The following PCDH15 variants were observed in gnomAD, a reference collection of about 807,000 sequenced individuals.
PCDH15 encodes the protein protocadherin-15.
Under a neutral mutation model 178.5 loss-of-function variants are expected in PCDH15, and 129 were observed. That is an observed-to-expected ratio of 0.72 (90% CI 0.63 to 0.84). The LOEUF (loss-of-function observed/expected upper bound fraction) is 0.84, where lower values mean the gene tolerates loss of function less well. Ranked by LOEUF, PCDH15 falls within the 40% of genes least tolerant of loss-of-function variation. PCDH15 has a pLI of 0.00. For missense variants in PCDH15, 2,230 were observed against 2,099.9 expected, an observed-to-expected ratio of 1.06 and a Z score of -1.21; for synonymous variants, 800 against 732.0, an observed-to-expected ratio of 1.09 and a Z score of -1.50.
intron 1 of PCDH15, among the ~76,000 whole-genome samples, chr10:55,283,794 A>G (rs185421076): frequency 1.0e-3 from 159 of 152,158 alleles, no homozygotes; most frequent in Non-Finnish European, 1.8e-3. Context: ...AGTCTGTCAA[A>G]TAGAATAAGA....
chr10:54,731,563 T>TATATATATATATATATATATATAG, intron 1 of PCDH15, among the ~76,000 whole-genome samples: 2 of 49,928 alleles, frequency 4.0e-5, no homozygotes, highest in Admixed American at 1.5e-4. Context: ...TATATATATA[T>TATATATATATATATATATATATAG]ACACACACAC....
At chr10:53,966,995 C>T (rs956376211) in intron 21 of PCDH15, among the ~76,000 whole-genome samples, 1 of 152,050 alleles carries the variant, frequency 6.6e-6, no homozygotes, top group Non-Finnish European at 1.5e-5. Flanking sequence ...CTCACACAAT[C>T]TTTCTGCCTC....
rs1162496716 is a variant in PCDH15, at chr10:54,645,176, G to A, written c.91+18996C>T. Among the ~76,000 whole-genome samples the A allele has an allele frequency of 2.0e-5, 3 of 152,074 alleles. No homozygotes were observed. In the South Asian group the frequency reaches 6.2e-4, roughly 31 times the overall value. On this transcript the variant is annotated intron_variant, in intron 2 of 37. Coordinates refer to ENST00000644397, the MANE Select transcript of PCDH15 (RefSeq NM_001384140.1). ...TGCATTTCTTGCTATTTTAAAATTTGTAGGTTGGCATGTCTGTGTATTTTT... is the reference window on the plus strand; with the variant it reads ...TGCATTTCTTGCTATTTTAAAATTTATAGGTTGGCATGTCTGTGTATTTTT...
chr10:53,822,957 T>C, intron 32 of PCDH15: 2 of 1,614,112 alleles, frequency 1.2e-6, no homozygotes, highest in East Asian at 4.5e-5. Context: ...CTCTGGTCTA[T>C]TTGGAACTTT....
chr10:53,969,360 A>G lies in PCDH15; in HGVS notation c.2869-7468T>C, dbSNP rs189397412. Among the ~76,000 whole-genome samples the G allele has an allele frequency of 2.1e-3, 320 of 152,350 alleles. 2 individuals are homozygous for G. Among genetic ancestry groups the G allele is most frequent in the African/African-American group, 7.2e-3 (301 of 41,584 alleles). On this transcript the variant is annotated intron_variant, in intron 21 of 37. Coordinates refer to ENST00000644397, the MANE Select transcript of PCDH15 (RefSeq NM_001384140.1). ...CCTCCAAGAAATATGGAACTATGTGAAAAGACCAAATCTACATCTGATTAG... is the reference window on the plus strand; with the variant it reads ...CCTCCAAGAAATATGGAACTATGTGGAAAGACCAAATCTACATCTGATTAG...
At chr10:55,298,541 G>C (rs1216777363) in intron 1 of PCDH15, among the ~76,000 whole-genome samples, 4 of 152,028 alleles carry the variant, frequency 2.6e-5, no homozygotes, top group Admixed American at 6.5e-5. Flanking sequence ...AGAGAAACTA[G>C]TACTTGAATA....
chr10:54,292,484 A>G (rs1205509358), intron 8 of PCDH15, among the ~76,000 whole-genome samples: 2 of 152,194 alleles, frequency 1.3e-5, no homozygotes, highest in African/African-American at 4.8e-5. Context: ...AAATCAGGCA[A>G]GAGAAAGAAA....
chr10:55,326,229 TTG>T (rs1461569333), intron 2 of PCDH15, among the ~76,000 whole-genome samples: 2 of 152,250 alleles, frequency 1.3e-5, no homozygotes, highest in East Asian at 3.9e-4. Flanking sequence ...AATCCCATTA[TTG>T]TGTGTATACC....
chr10:54,535,555 A>C (rs2084398730), intron 2 of PCDH15, among the ~76,000 whole-genome samples: 1 of 151,632 alleles, frequency 6.6e-6, no homozygotes. Context: ...CTAAAAATAC[A>C]AAAAATTAGC....
intron 1 of PCDH15, among the ~76,000 whole-genome samples, chr10:55,276,560 T>G (rs942747062): frequency 6.6e-6 from 1 of 151,728 alleles, no homozygotes; most frequent in Non-Finnish European, 1.5e-5. Flanking sequence ...ATTCTGGAAT[T>G]AAAACCAACA....
intron 2 of PCDH15, among the ~76,000 whole-genome samples, chr10:55,009,140 C>G (rs955128730): frequency 2.0e-5 from 3 of 152,064 alleles, no homozygotes; most frequent in African/African-American, 7.2e-5. Context: ...TTTCAAACTT[C>G]ATGTTATCCC....
intron 3 of PCDH15, among the ~76,000 whole-genome samples, chr10:54,873,673 A>T (rs1954081092): frequency 7.0e-6 from 1 of 142,024 alleles, no homozygotes; most frequent in Admixed American, 7.3e-5. Flanking sequence ...TGTGATAAAA[A>T]ATCTGAAGAA....
chr10:54,191,358 G>C (rs932366103), intron 11 of PCDH15, among the ~76,000 whole-genome samples: 1 of 152,148 alleles, frequency 6.6e-6, no homozygotes, highest in African/African-American at 2.4e-5. Flanking sequence ...AATGCCTGAG[G>C]TGAGCTCTAA....
rs574101036 is a variant in PCDH15 at position 55,329,459 on chromosome 10, C to A, written c.-155-162808G>T. The stretch of plus-strand genomic sequence containing the variant: ...AATAATTTTAAGAGAGAAAAAGGGT[C>A]TTGAAAGCAAAAAAAAATTCAGAAC... On this transcript the variant is annotated intron_variant, in intron 2 of 5. Coordinates refer to the PCDH15 transcript ENST00000613346. Among the ~76,000 whole-genome samples the A allele has an allele frequency of 1.6e-3, 241 of 151,482 alleles. 1 individual carries two copies. Among genetic ancestry groups the A allele is most frequent in the Middle Eastern group, 3.4e-3 (1 of 294 alleles).
chr10:55,561,701 C>T (rs531317084), intron 2 of PCDH15, among the ~76,000 whole-genome samples: 1 of 151,636 alleles, frequency 6.6e-6, no homozygotes, highest in Non-Finnish European at 1.5e-5. Flanking sequence ...CAAGGAAATA[C>T]CAGAGTAAAC....
chr10:55,540,774 G>T (rs1051969086), intron 2 of PCDH15, among the ~76,000 whole-genome samples: 2 of 151,960 alleles, frequency 1.3e-5, no homozygotes, highest in African/African-American at 4.8e-5. Flanking sequence ...TGAATTATTT[G>T]ATTATTGCAA....
chr10:54,018,886 T>G (rs1409665751), intron 20 of PCDH15, among the ~76,000 whole-genome samples: 1 of 152,096 alleles, frequency 6.6e-6, no homozygotes, highest in Non-Finnish European at 1.5e-5. Context: ...ATTATATTTT[T>G]GGGGGTAGAA....
intron 1 of PCDH15, among the ~76,000 whole-genome samples, chr10:54,750,719 G>GT (rs1268730985): frequency 1.3e-5 from 2 of 151,998 alleles, no homozygotes; most frequent in Non-Finnish European, 2.9e-5. Context: ...AAGAAAAATT[G>GT]TTTTCTAAAA....
intron 3 of PCDH15, among the ~76,000 whole-genome samples, chr10:54,411,191 A>C (rs1394427252): frequency 6.7e-6 from 1 of 149,434 alleles, no homozygotes; most frequent in Non-Finnish European, 1.5e-5. Context: ...AGAACATTTA[A>C]CTACAGGCAT....
Sources: gnomAD v4.1 joint callset for allele counts (sites outside exome capture counted in the v4.1 genomes callset) on GRCh38, gnomAD v4.1.1 for gene constraint, MANE v1.5 for transcripts, NCBI Gene and HGNC (gene_info 2026-07-23, HGNC 2026-07-21) for gene names.